The following TAF3 variants were observed in gnomAD, a reference collection of about 807,000 sequenced individuals.
TAF3 encodes transcription initiation factor TFIID subunit 3.
In TAF3, 7 loss-of-function variants were observed where a neutral mutation model predicts 80.6. The observed-to-expected ratio is 0.09, with a 90% confidence interval of 0.05 to 0.16. The LOEUF (loss-of-function observed/expected upper bound fraction) is 0.16. Ranked by LOEUF, TAF3 falls within the 10% of genes least tolerant of loss-of-function variation. The pLI, the probability that TAF3 is intolerant of heterozygous loss-of-function variation, is 1.00. For synonymous variants in TAF3, 444 were observed against 446.1 expected (o/e 1.00, Z 0.06); for missense variants, 921 against 1,140.2 (o/e 0.81, Z 2.77).
rs34833399 is a variant in TAF3 at position 8,007,562 on chromosome 10, T to TTA, written c.2316-1469_2316-1468dup. Among the ~76,000 whole-genome samples the TTA allele has an allele frequency of 6.6e-3, 401 of 60,430 alleles. 1 individual carries two copies. Among genetic ancestry groups the TTA allele is most frequent in the African/African-American group, 9.2e-3 (122 of 13,258 alleles). 39.6% of individuals were successfully genotyped at this position (60,430 alleles called of 152,430 possible). A position where few individuals can be genotyped will look rare whatever the true frequency, so the allele number is the denominator to read the frequency against. ...TATATTGTTTTCTCTGTGTGTGAAA[T>TTA]TATATATATATATATATATATATAT... On this transcript the variant is annotated intron_variant, in intron 4 of 6. Transcript: ENST00000344293.
intron 2 of TAF3, among the ~76,000 whole-genome samples, chr10:7,876,065 T>G: frequency 6.6e-6 from 1 of 151,974 alleles, no homozygotes; most frequent in Non-Finnish European, 1.5e-5. Context: ...TTTCCTCCTT[T>G]TTACTTATAA....
chr10:7,933,507 T>C (rs913691991), intron 2 of TAF3, among the ~76,000 whole-genome samples: 1 of 152,234 alleles, frequency 6.6e-6, no homozygotes, highest in Non-Finnish European at 1.5e-5. Flanking sequence ...TCAGTTGTGA[T>C]AACATCTTCA....
intron 2 of TAF3, among the ~76,000 whole-genome samples, chr10:7,957,792 GCGCTCTCTCTCTCTCTCTCTCTCT>G (rs1838151224): frequency 7.4e-6 from 1 of 134,288 alleles, no homozygotes; most frequent in South Asian, 2.5e-4. Context: ...TCTCTCTAGC[GCGCTCTCTCTCTCTCTCTCTCTCT>G]CTCTCTCTCT....
At chr10:7,868,777 G>A (rs962039606) in intron 2 of TAF3, among the ~76,000 whole-genome samples, 1 of 152,148 alleles carries the variant, frequency 6.6e-6, no homozygotes, top group African/African-American at 2.4e-5. Flanking sequence ...AACAAGAACA[G>A]TAATACATTT....
At chr10:7,850,999 GATAA>G (rs1408886685) in intron 2 of TAF3, among the ~76,000 whole-genome samples, 1 of 152,130 alleles carries the variant, frequency 6.6e-6, no homozygotes, top group African/African-American at 2.4e-5. Context: ...GAACAAAGCA[GATAA>G]ACAGTCTCTG....
intron 2 of TAF3, among the ~76,000 whole-genome samples, chr10:7,844,381 T>C (rs555452261): frequency 2.4e-3 from 364 of 149,116 alleles, no homozygotes; most frequent in Non-Finnish European, 3.7e-3. Context: ...TCTTGTTCTT[T>C]TTTTTTTTTT....
intron 2 of TAF3, among the ~76,000 whole-genome samples, chr10:7,873,699 A>T (rs1161299746): frequency 6.6e-6 from 1 of 150,922 alleles, no homozygotes; most frequent in Admixed American, 6.6e-5. Context: ...CATAAAGCAG[A>T]TGGGACCAGG....
At chr10:7,887,419 G>A (rs1443936548) in intron 2 of TAF3, among the ~76,000 whole-genome samples, 1 of 152,108 alleles carries the variant, frequency 6.6e-6, no homozygotes, top group Non-Finnish European at 1.5e-5. Context: ...TGATTGCAAA[G>A]AGTCAAGAAA....
intron 2 of TAF3, among the ~76,000 whole-genome samples, chr10:7,840,432 A>G (rs562931180): frequency 4.1e-4 from 62 of 151,798 alleles, no homozygotes; most frequent in East Asian, 2.9e-3. Flanking sequence ...GATTACAAGC[A>G]TGAGCCACCG....
intron 4 of TAF3, among the ~76,000 whole-genome samples, chr10:7,986,299 T>C (rs559647028): frequency 6.6e-6 from 1 of 152,344 alleles, no homozygotes; most frequent in East Asian, 1.9e-4. Context: ...GCCAAGTTAC[T>C]GGAAAGTTCT....
At chr10:7,965,905 C>T (rs1210928504) in intron 3 of TAF3, among the ~76,000 whole-genome samples, 163 bp downstream of exon 3, 1 of 152,048 alleles carries the variant, frequency 6.6e-6, no homozygotes, top group Non-Finnish European at 1.5e-5. Flanking sequence ...AATTCTAAAA[C>T]CCATAAACCT....
intron 2 of TAF3, among the ~76,000 whole-genome samples, chr10:7,839,099 A>T (rs1244496): frequency 0.18 from 27,178 of 151,626 alleles, 2,518 homozygotes; most frequent in South Asian, 0.26. Context: ...CATGTTAGTT[A>T]CTTGCCCCTC....
intron 2 of TAF3, among the ~76,000 whole-genome samples, chr10:7,854,393 T>G (rs959019726): frequency 6.6e-6 from 1 of 152,228 alleles, no homozygotes. Flanking sequence ...CACACTGTTA[T>G]GCGAGCCGCA....
chr10:7,993,431 A>G (rs1232745140), intron 4 of TAF3, among the ~76,000 whole-genome samples: 2 of 152,166 alleles, frequency 1.3e-5, no homozygotes, highest in African/African-American at 2.4e-5. Context: ...CTTCTGCCTC[A>G]GCCTCCCGAA....
Position 7,896,252 on chromosome 10 carries a change from A to T in TAF3, c.410-67668A>T, listed in dbSNP as rs189629405. On this transcript the variant is annotated intron_variant, in intron 2 of 6. Transcript: ENST00000344293. Reference sequence around the variant, plus strand: ...CCCTTCTCTATATTCTTTTTCTCAGATCTTTACTCTTGTGACTCCGTGAAT... The same window carrying T: ...CCCTTCTCTATATTCTTTTTCTCAGTTCTTTACTCTTGTGACTCCGTGAAT... 5.3e-5 allele frequency among the ~76,000 whole-genome samples: 8 copies of T among 152,228 alleles called. No homozygotes were observed. The East Asian group carries it at 1.5e-3, about 29-fold the overall frequency.
intron 4 of TAF3, among the ~76,000 whole-genome samples, chr10:7,992,008 T>G (rs931965584): frequency 6.6e-6 from 1 of 152,222 alleles, no homozygotes; most frequent in Admixed American, 6.5e-5. Flanking sequence ...GTGTATCTTT[T>G]ATGGCTAACT....
intron 2 of TAF3, among the ~76,000 whole-genome samples, chr10:7,864,493 A>G (rs1056282578): frequency 2.6e-5 from 4 of 152,312 alleles, no homozygotes; most frequent in South Asian, 4.1e-4. Flanking sequence ...TATTATTCTT[A>G]ACCGTAGTCA....
In TAF3 at chr10:7,981,292, G is replaced by A. The variant is rs186370686; in HGVS notation, c.2315+3969G>A. Among the ~76,000 whole-genome samples, 595 of 152,148 alleles carry A rather than the reference G, an allele frequency of 3.9e-3. 3 individuals are homozygous for A. The highest frequency in any genetic ancestry group is 0.013 in the African/African-American group (537 of 41,516). On this transcript the variant is annotated intron_variant, in intron 4 of 6. Coordinates refer to ENST00000344293, the MANE Select transcript of TAF3 (RefSeq NM_031923.4). ...ATCTATTCACCCACCCTTGCCCTCG[G>A]GCAGTGGGTCCCCCATGCCCAGGTC...
At chr10:7,852,236 C>T (rs4749312) in intron 2 of TAF3, among the ~76,000 whole-genome samples, 5,504 of 152,246 alleles carry the variant, frequency 0.036, 128 homozygotes, top group Admixed American at 0.069. Flanking sequence ...AGACGCCTGG[C>T]ACCTAGCTAG....
Sources: gnomAD v4.1 joint callset for allele counts (sites outside exome capture counted in the v4.1 genomes callset) on GRCh38, gnomAD v4.1.1 for gene constraint, MANE v1.5 for transcripts, NCBI Gene and HGNC (gene_info 2026-07-23, HGNC 2026-07-21) for gene names.